The following ZRSR2 variants were observed in gnomAD, a reference collection of about 807,000 sequenced individuals.
ZRSR2 encodes zinc finger CCCH-type, RNA binding motif and serine/arginine rich 2, also known as U2 small nuclear ribonucleoprotein auxiliary factor 35 kDa subunit-related protein 2.
ZRSR2 carries 3 observed loss-of-function variants against 39.4 expected under a neutral mutation model. That is an observed-to-expected ratio of 0.08 (90% CI 0.03 to 0.20). The LOEUF is 0.20. Ranked by LOEUF, ZRSR2 falls within the 10% of genes least tolerant of loss-of-function variation. ZRSR2 has a pLI of 1.00. For synonymous variants in ZRSR2, 137 were observed against 136.0 expected, an observed-to-expected ratio of 1.01 and a Z score of -0.05; for missense variants, 256 against 391.5, an observed-to-expected ratio of 0.65 and a Z score of 2.92.
intron 5 of ZRSR2, 70 bp downstream of exon 5, chrX:15,804,267 G>GTTT: frequency 9.8e-7 from 1 of 1,018,735 alleles, no homozygotes; most frequent in South Asian, 2.9e-5. Flanking sequence ...CAGAGTTTGG[G>GTTT]TTTTTTTTTT....
chrX:15,790,566 G>T, intron 1 of ZRSR2, 30 bp downstream of exon 1: 1 of 1,158,875 alleles, frequency 8.6e-7, no homozygotes, highest in Non-Finnish European at 1.1e-6. Context: ...ATGAGCAGGC[G>T]AGCGGGCCGA....
intron 2 of ZRSR2, among the ~76,000 whole-genome samples, chrX:15,792,221 G>A (rs1307054318): frequency 9.8e-5 from 11 of 111,972 alleles, no homozygotes; most frequent in African/African-American, 2.6e-4. Context: ...TCAGGGGTTC[G>A]AGACCTGCCT....
intron 5 of ZRSR2, among the ~76,000 whole-genome samples, chrX:15,805,953 G>T (rs994973843): frequency 3.9e-5 from 4 of 103,212 alleles, no homozygotes; most frequent in Non-Finnish European, 7.9e-5. Flanking sequence ...AAAAAAGAAA[G>T]AAATAAAGCA....
chrX:15,823,137 C>T lies in ZRSR2; in HGVS notation c.1344C>T (p.Arg448=). The change falls in exon 11 of 11, where the codon CGC becomes CGT. Residue 448 remains arginine, a synonymous_variant. Transcript: ENST00000307771. The part of the protein sequence containing the change: ...GSRSRSRSRS[R]RSRRSRSQSS... Reference sequence around the variant, plus strand: ...GGAGCCGGAGCCGGAGCCGGAGCCGCAGGAGCCGCCGCAGCCGGAGCCAAA... The same window carrying T: ...GGAGCCGGAGCCGGAGCCGGAGCCGTAGGAGCCGCCGCAGCCGGAGCCAAA... The T allele has an allele frequency of 8.4e-7, 1 of 1,196,764 alleles. No homozygotes were observed. The highest frequency in any genetic ancestry group is 1.1e-6 in the Non-Finnish European group (1 of 887,400).
intron 2 of ZRSR2, among the ~76,000 whole-genome samples, chrX:15,793,627 C>T (rs1465355168): frequency 8.9e-6 from 1 of 111,943 alleles, no homozygotes; most frequent in East Asian, 2.8e-4. Context: ...TAACCTCTGC[C>T]TCCCAGGTTC....
Position 15,804,159 on chromosome X carries a change from G to A in ZRSR2, c.361G>A (p.Glu121Lys), listed in dbSNP as rs764639907. 30 of 1,195,973 alleles carry A rather than the reference G, an allele frequency of 2.5e-5. No homozygotes were observed. The South Asian group carries it at 5.5e-4, about 22-fold the overall frequency. The stretch of plus-strand genomic sequence containing the variant: ...AGAACAGCAGAGGAAAGAGAGAGAA[G>A]AGGAGGAGCAGAAACGACAGGAGAA... ...WEEQQRKERE[E>K]EEQKRQEKKE... The change falls in exon 5 of 11, where the codon GAG (glutamate) becomes AAG (lysine). Residue 121 changes from glutamate to lysine, a missense_variant. Physicochemically the swap from Glu to Lys is moderately conservative, Grantham distance 56. Transcript: ENST00000307771.
At chrX:15,799,979 G>A in intron 3 of ZRSR2, 26 bp downstream of exon 3, 1 of 1,029,133 alleles carries the variant, frequency 9.7e-7, no homozygotes, top group Non-Finnish European at 1.3e-6. Flanking sequence ...AACACTTAAA[G>A]TGAATGAAGT....
chrX:15,816,737 C>A (rs3788926), intron 8 of ZRSR2, among the ~76,000 whole-genome samples: 1 of 111,151 alleles, frequency 9.0e-6, no homozygotes. Flanking sequence ...GGAATAGAAC[C>A]GTGATTTTTT....
intron 2 of ZRSR2, among the ~76,000 whole-genome samples, chrX:15,798,910 G>A (rs912035255): frequency 8.9e-6 from 1 of 111,824 alleles, no homozygotes; most frequent in African/African-American, 3.2e-5. Flanking sequence ...ACCCAGGGCC[G>A]GACATGCTGG....
At chrX:15,790,833 G>T in intron 1 of ZRSR2, 101 bp from the exon 2 acceptor site, 2 of 836,690 alleles carry the variant, frequency 2.4e-6, no homozygotes, top group Non-Finnish European at 3.5e-6. Flanking sequence ...TCTCTCCTCA[G>T]CACCCGAACT....
intron 5 of ZRSR2, among the ~76,000 whole-genome samples, chrX:15,804,772 A>G (rs1376458615): frequency 9.0e-6 from 1 of 111,729 alleles, no homozygotes; most frequent in Non-Finnish European, 1.9e-5. Context: ...CAGGAACTCA[A>G]ATATTGAGGA....
At chrX:15,791,987 G>A (rs146786886) in intron 2 of ZRSR2, among the ~76,000 whole-genome samples, 3 of 111,812 alleles carry the variant, frequency 2.7e-5, no homozygotes, top group Admixed American at 9.4e-5. Context: ...TAAAATTTTC[G>A]TAGAGACGGG....
At chrX:15,798,654 A>C (rs1384104478) in intron 2 of ZRSR2, among the ~76,000 whole-genome samples, 2 of 111,534 alleles carry the variant, frequency 1.8e-5, no homozygotes, top group East Asian at 5.6e-4. Flanking sequence ...GGTATCATAT[A>C]CAGGCCATAT....
chrX:15,798,148 A>G (rs1401559280), intron 2 of ZRSR2, among the ~76,000 whole-genome samples: 1 of 112,656 alleles, frequency 8.9e-6, no homozygotes, highest in East Asian at 2.7e-4. Flanking sequence ...TATTGTAATT[A>G]TCTAAGACTG....
rs148608893 is a variant in ZRSR2, at chrX:15,820,288, C to T, written c.909C>T (p.Pro303=). The T allele has an allele frequency of 0.012, 13,914 of 1,209,204 alleles. 78 individuals are homozygous for T. Among genetic ancestry groups the T allele is most frequent in the Non-Finnish European group, 0.014 (12,180 of 894,602 alleles). Residue 303 remains proline, a synonymous_variant, in exon 10 of 11, where the codon CCC becomes CCT. Coordinates refer to ENST00000307771, the MANE Select transcript of ZRSR2 (RefSeq NM_005089.4). ...AGRQLQCEFC[P]VTRWKMAICG... is the part of the protein sequence containing the mutation. ...GACAGCTGCAGTGTGAATTCTGCCC[C>T]GTGACCCGGTGGAAAATGGCGATTT...
chrX:15,818,578 G>A lies in ZRSR2; in HGVS notation c.772-9G>A, dbSNP rs1383736650. ...ATTTTTTATGATAGCATTCTTCATT[G>A]CTCCCTAGGTCAGCTGCAATTTGGA... On this transcript the variant is annotated splice_polypyrimidine_tract_variant and intron_variant, in intron 8 of 10. Transcript: ENST00000307771. The A allele has an allele frequency of 8.3e-7, 1 of 1,201,084 alleles. No homozygotes were observed.
At chrX:15,803,394 A>G (rs1932734035) in intron 3 of ZRSR2, among the ~76,000 whole-genome samples, 1 of 112,083 alleles carries the variant, frequency 8.9e-6, no homozygotes, top group African/African-American at 3.2e-5. Flanking sequence ...TGATCAGTCT[A>G]GAGGGAAAGT....
chrX:15,800,314 G>A (rs757004373), intron 3 of ZRSR2, among the ~76,000 whole-genome samples: 3 of 106,831 alleles, frequency 2.8e-5, no homozygotes, highest in South Asian at 8.5e-4. Context: ...AGCCTTCCGA[G>A]TAGCTGGGAC....
chrX:15,794,746 T>A (rs1204568255), intron 2 of ZRSR2, among the ~76,000 whole-genome samples: 3 of 112,034 alleles, frequency 2.7e-5, no homozygotes, highest in Non-Finnish European at 3.8e-5. Flanking sequence ...CATTATAATT[T>A]CTGTCTGACA....
Sources: gnomAD v4.1 joint callset for allele counts (sites outside exome capture counted in the v4.1 genomes callset) on GRCh38, gnomAD v4.1.1 for gene constraint, MANE v1.5 for transcripts, NCBI Gene and HGNC (gene_info 2026-07-23, HGNC 2026-07-21) for gene names.